Variants in RCOR1 observed in about 807,000 individuals in gnomAD.
The protein encoded by RCOR1 is REST corepressor.
A neutral mutation model predicts 64.0 loss-of-function variants in RCOR1; 12 were observed. That is an observed-to-expected ratio of 0.19 (90% CI 0.12 to 0.30). The LOEUF (loss-of-function observed/expected upper bound fraction) is 0.30, where lower values mean the gene tolerates loss of function less well. RCOR1 is among the 10% of genes least tolerant of loss of function. The pLI, the probability that RCOR1 is intolerant of heterozygous loss-of-function variation, is 1.00. For missense variants in RCOR1, 502 were observed against 621.2 expected, an observed-to-expected ratio of 0.81 and a Z score of 2.04; for synonymous variants, 279 against 227.2, an observed-to-expected ratio of 1.23 and a Z score of -2.05.
intron 2 of RCOR1, chr14:102,658,015 C>T (rs541077863): frequency 1.9e-5 from 17 of 897,932 alleles, no homozygotes; most frequent in Non-Finnish European, 2.3e-5. Flanking sequence ...TGCTCTGTTG[C>T]CCAGGCTGGA....
At chr14:102,607,176 G>A (rs1025632385) in intron 2 of RCOR1, among the ~76,000 whole-genome samples, 17 of 151,996 alleles carry the variant, frequency 1.1e-4, no homozygotes, top group Non-Finnish European at 2.2e-4. Flanking sequence ...TAGGTGATCC[G>A]TCTGCCTTGG....
intron 11 of RCOR1, among the ~76,000 whole-genome samples, chr14:102,726,020 G>A (rs1047260512): frequency 6.6e-6 from 1 of 152,112 alleles, no homozygotes; most frequent in Non-Finnish European, 1.5e-5. Context: ...GAGGCCACAC[G>A]CTTGCCCTGC....
At chr14:102,622,357 T>G (rs1265074867) in intron 2 of RCOR1, among the ~76,000 whole-genome samples, 1 of 152,148 alleles carries the variant, frequency 6.6e-6, no homozygotes, top group Non-Finnish European at 1.5e-5. Context: ...TGGCTGTTCC[T>G]GGCACGATTC....
At chr14:102,603,760 A>G (rs777997045) in intron 2 of RCOR1, among the ~76,000 whole-genome samples, 2 of 151,894 alleles carry the variant, frequency 1.3e-5, no homozygotes, top group South Asian at 2.1e-4. Flanking sequence ...AGCTGGGACT[A>G]CAGGAGTGTG....
intron 2 of RCOR1, among the ~76,000 whole-genome samples, chr14:102,635,623 G>T (rs1894218985): frequency 6.6e-6 from 1 of 152,046 alleles, no homozygotes; most frequent in South Asian, 2.1e-4. Context: ...TAGCATGTTG[G>T]TATGAATATG....
chr14:102,669,319 A>G (rs1894983487), intron 2 of RCOR1, among the ~76,000 whole-genome samples: 1 of 151,910 alleles, frequency 6.6e-6, no homozygotes, highest in Non-Finnish European at 1.5e-5. Context: ...GAAAAAAAAA[A>G]AAAAGAGAAA....
intron 2 of RCOR1, among the ~76,000 whole-genome samples, chr14:102,638,276 C>G (rs1012295754): frequency 2.0e-5 from 3 of 152,256 alleles, no homozygotes; most frequent in Non-Finnish European, 4.4e-5. Context: ...GAGGGAGATT[C>G]TAATGGAAGG....
At chr14:102,613,674 C>T (rs1444095065) in intron 2 of RCOR1, among the ~76,000 whole-genome samples, 3 of 151,356 alleles carry the variant, frequency 2.0e-5, no homozygotes, top group Non-Finnish European at 2.9e-5. Context: ...CCCGCCTCGG[C>T]CTCCCAAAGT....
intron 2 of RCOR1, among the ~76,000 whole-genome samples, chr14:102,668,325 T>C (rs1894957780): frequency 6.6e-6 from 1 of 152,198 alleles, no homozygotes; most frequent in African/African-American, 2.4e-5. Flanking sequence ...CTTGCTAAAA[T>C]TAAGAATCAA....
In RCOR1 at chr14:102,681,963, C is replaced by A. The variant is rs756613086; in HGVS notation, c.430C>A (p.Leu144Met). ...GMLVWSPNQN[L>M]SEAKLDEYIA... Reference sequence around the variant, plus strand: ...GTTGGTCTGGTCACCCAATCAAAATCTGTCAGAAGCAAAGTGTAAGTCTTG... The same window carrying A: ...GTTGGTCTGGTCACCCAATCAAAATATGTCAGAAGCAAAGTGTAAGTCTTG... The change falls in exon 3 of 12, where the codon CTG becomes ATG. Residue 144 changes from leucine to methionine, a missense_variant. By Grantham distance (15) the Leu-to-Met change is conservative. Around this residue, in one of 2 missense-constraint regions of RCOR1, gnomAD observed 242 missense variants for 204.9 expected, o/e 1.18. Transcript: ENST00000262241. The A allele has an allele frequency of 6.2e-7, 1 of 1,612,880 alleles. No homozygotes were observed. Among genetic ancestry groups the A allele is most frequent in the South Asian group, 1.1e-5 (1 of 91,048 alleles).
Position 102,726,560 on chromosome 14 carries a change from A to G in RCOR1, c.*54A>G, listed in dbSNP as rs1327297767. On this transcript the variant is annotated 3_prime_UTR_variant, in exon 12 of 12. Coordinates refer to ENST00000262241, the MANE Select transcript of RCOR1 (RefSeq NM_015156.4). ...GGACTACTGTGTTATCCGGGATATCAGGTATTATGAGACATCACCTAGCCA... is the reference window on the plus strand; with the variant it reads ...GGACTACTGTGTTATCCGGGATATCGGGTATTATGAGACATCACCTAGCCA... The G allele has an allele frequency of 2.1e-5, 30 of 1,449,648 alleles. No individual in the cohort carries two copies. The highest frequency in any genetic ancestry group is 2.8e-5 in the Non-Finnish European group (30 of 1,052,726). The allele number at this position is 1,449,648 out of a possible 1,614,324, so 89.8% of individuals were successfully genotyped here.
At chr14:102,685,550 T>C (rs1322738239) in intron 3 of RCOR1, among the ~76,000 whole-genome samples, 1 of 152,016 alleles carries the variant, frequency 6.6e-6, no homozygotes, top group Non-Finnish European at 1.5e-5. Flanking sequence ...TTGTGCGATC[T>C]TGGCTCACTG....
intron 2 of RCOR1, among the ~76,000 whole-genome samples, chr14:102,643,687 C>T (rs1015609308): frequency 2.0e-5 from 3 of 152,156 alleles, no homozygotes; most frequent in Admixed American, 2.0e-4. Flanking sequence ...ATTAGACTTT[C>T]CCTAGCCTAG....
At chr14:102,637,919 C>T (rs1359413958) in intron 2 of RCOR1, among the ~76,000 whole-genome samples, 1 of 152,108 alleles carries the variant, frequency 6.6e-6, no homozygotes, top group East Asian at 1.9e-4. Context: ...AAACACTGTA[C>T]TGGAAGTAAA....
At chr14:102,650,403 T>TGGGG (rs1894562981) in intron 2 of RCOR1, among the ~76,000 whole-genome samples, 1 of 8,302 alleles carries the variant, frequency 1.2e-4, no homozygotes. Context: ...GGTGGGTGGG[T>TGGGG]GGGTGGATGG....
chr14:102,726,870 G>T lies in RCOR1; in HGVS notation c.*364G>T. 1 of 262,732 alleles carries T rather than the reference G, an allele frequency of 3.8e-6. No individual in the cohort carries two copies. The highest frequency in any genetic ancestry group is 7.1e-6 in the Non-Finnish European group (1 of 140,220). 16.3% of individuals were successfully genotyped at this position (262,732 alleles called of 1,614,324 possible). Reference sequence around the variant, plus strand: ...AGCAGGCAGTCTCCTTGGAAGGCCCGACTCTGTTCCTGCATGGCCTGCAGT... The same window carrying T: ...AGCAGGCAGTCTCCTTGGAAGGCCCTACTCTGTTCCTGCATGGCCTGCAGT... On this transcript the variant is annotated 3_prime_UTR_variant, in exon 12 of 12. Transcript: ENST00000262241.
chr14:102,712,032 A>G (rs1323869573), intron 7 of RCOR1, among the ~76,000 whole-genome samples: 2 of 150,864 alleles, frequency 1.3e-5, no homozygotes, highest in Non-Finnish European at 1.5e-5. Context: ...TTCTTTTTTG[A>G]GACAGGGTCT....
chr14:102,661,935 A>AT (rs1326864770), intron 2 of RCOR1, among the ~76,000 whole-genome samples: 1 of 150,206 alleles, frequency 6.7e-6, no homozygotes, highest in Non-Finnish European at 1.5e-5. Context: ...TTTTTTTTTT[A>AT]TTTTTTGTAG....
intron 2 of RCOR1, among the ~76,000 whole-genome samples, chr14:102,653,965 TTCTTTCTTTCTTTCTTTC>T (rs1350563728): frequency 0.051 from 2,965 of 58,658 alleles, 191 homozygotes; most frequent in Admixed American, 0.065. Context: ...CTTTCTTTCT[TTCTTTCTTTCTTTCTTTC>T]TTTTTTTTTT....
Sources: gnomAD v4.1 joint callset for allele counts (sites outside exome capture counted in the v4.1 genomes callset) on GRCh38, gnomAD v4.1.1 for gene constraint, gnomAD v4.1.1 regional missense constraint, MANE v1.5 for transcripts, NCBI Gene and HGNC (gene_info 2026-07-23, HGNC 2026-07-21) for gene names.